The following HEATR4 variants were observed in gnomAD, a reference collection of about 807,000 sequenced individuals.
HEATR4 encodes HEAT repeat containing 4.
In HEATR4, 95 loss-of-function variants were observed where a neutral mutation model predicts 108.8. That is an observed-to-expected ratio of 0.87 (90% confidence interval 0.74 to 1.04). The LOEUF (loss-of-function observed/expected upper bound fraction) is 1.04. Among genes scored for constraint, HEATR4 ranks in the 50% least tolerant of loss-of-function variants. The pLI is 0.00. For missense variants in HEATR4, 1,152 were observed against 1,253.8 expected (o/e 0.92, Z 1.23); for synonymous variants, 443 against 459.4 (o/e 0.96, Z 0.46).
the HEATR4 span, chr14:73,575,399 G>T: frequency 7.7e-7 from 1 of 1,293,864 alleles, no homozygotes; most frequent in Non-Finnish European, 1.0e-6. Context: ...CTATTATCTG[G>T]GGAGGGGAGC....
At chr14:73,566,049 A>G in the HEATR4 span, among the ~76,000 whole-genome samples, 1 of 152,156 alleles carries the variant, frequency 6.6e-6, no homozygotes, top group African/African-American at 2.4e-5. Flanking sequence ...ATAGTTAGAT[A>G]CAGAGTGTTG....
chr14:73,511,556 T>C (rs1566833433), intron 7 of HEATR4, among the ~76,000 whole-genome samples: 1 of 98,028 alleles, frequency 1.0e-5, no homozygotes, highest in Non-Finnish European at 2.3e-5. Flanking sequence ...AATAAATAAA[T>C]AAATAAATAA....
At chr14:73,576,417 A>G in the HEATR4 span, among the ~76,000 whole-genome samples, 3 of 152,072 alleles carry the variant, frequency 2.0e-5, no homozygotes, top group Non-Finnish European at 2.9e-5. Flanking sequence ...CTGTTTATAC[A>G]TATGGACTTT....
intron 5 of HEATR4, 139 bp downstream of exon 5, chr14:73,518,884 G>T: frequency 1.4e-6 from 1 of 733,392 alleles, no homozygotes; most frequent in Non-Finnish European, 2.2e-6. Flanking sequence ...TTTTTAGTAC[G>T]TAGAAAGGGG....
chr14:73,561,216 A>C (rs1333126010), upstream of HEATR4, among the ~76,000 whole-genome samples: 1 of 151,910 alleles, frequency 6.6e-6, no homozygotes, highest in Non-Finnish European at 1.5e-5. Context: ...AAATACAAAA[A>C]TTAGCCAGGC....
At chr14:73,594,935 C>T in the HEATR4 span, 3 of 1,287,518 alleles carry the variant, frequency 2.3e-6, no homozygotes, top group Non-Finnish European at 3.2e-6. Flanking sequence ...AAACTCCTGA[C>T]CTCAAGTGAT....
chr14:73,483,521 C>A (rs1015171631), intron 17 of HEATR4, among the ~76,000 whole-genome samples: 2 of 152,076 alleles, frequency 1.3e-5, no homozygotes, highest in African/African-American at 4.8e-5. Context: ...TGCCCCAACC[C>A]TCAATTTAAA....
At chr14:73,481,640 G>A (rs894265720) in intron 17 of HEATR4, among the ~76,000 whole-genome samples, 1 of 151,752 alleles carries the variant, frequency 6.6e-6, no homozygotes, top group African/African-American at 2.4e-5. Flanking sequence ...AGGAGATCGA[G>A]ACCATCCTGG....
At chr14:73,502,113 C>T (rs990851677) in intron 11 of HEATR4, among the ~76,000 whole-genome samples, 47 of 148,978 alleles carry the variant, frequency 3.2e-4, no homozygotes, top group Admixed American at 4.7e-4. Context: ...AGGCTGGTCT[C>T]GAACTCCTGG....
At chr14:73,594,434 G>T in the HEATR4 span, among the ~76,000 whole-genome samples, 1 of 66,670 alleles carries the variant, frequency 1.5e-5, no homozygotes, top group Non-Finnish European at 2.8e-5. Context: ...GATGGGATCT[G>T]TGGCTCAGCG....
At position 73,517,817 on chromosome 14, in the gene HEATR4, G is replaced by A. The variant is rs181720561; in HGVS notation, c.1210+1206C>T. Among the ~76,000 whole-genome samples the A allele has an allele frequency of 6.4e-3, 969 of 151,922 alleles. 8 individuals carry two copies. The highest frequency in any genetic ancestry group is 0.023 in the African/African-American group (937 of 41,416). ...GAGAAAAGAAAAAGAGGCTGGACAC[G>A]GTGGCTCACGCCTGTAATCCCAGCA... On this transcript the variant is annotated intron_variant, in intron 5 of 17. Transcript: ENST00000553558.
chr14:73,616,966 C>A, the HEATR4 span: 1 of 627,114 alleles, frequency 1.6e-6, no homozygotes, highest in East Asian at 2.6e-5. Context: ...ACTAAAGCTC[C>A]CTGTGATTTG....
chr14:73,585,766 C>T, the HEATR4 span, among the ~76,000 whole-genome samples: 56 of 136,302 alleles, frequency 4.1e-4, no homozygotes, highest in African/African-American at 1.3e-3. Flanking sequence ...GTGGAGGATA[C>T]ACTGGGAAGG....
intron 5 of HEATR4, among the ~76,000 whole-genome samples, chr14:73,515,671 C>CAAAAAA (rs35601077): frequency 9.0e-5 from 3 of 33,486 alleles, no homozygotes; most frequent in Non-Finnish European, 1.6e-4. Flanking sequence ...GACTCCATCT[C>CAAAAAA]AAAAAAAAAA....
the HEATR4 span, among the ~76,000 whole-genome samples, chr14:73,599,986 G>C: frequency 2.8e-4 from 43 of 152,244 alleles, 1 homozygote; most frequent in African/African-American, 9.4e-4. Context: ...TCAGATCCAG[G>C]TATAGATGAG....
intron 2 of HEATR4, chr14:73,527,338 CAG>C (rs1888397949): frequency 1.3e-5 from 2 of 151,892 alleles, no homozygotes; most frequent in African/African-American, 4.8e-5. Context: ...CCAGGAGTGA[CAG>C]AGATATGTGA....
chr14:73,575,578 G>A, the HEATR4 span: 3 of 1,552,186 alleles, frequency 1.9e-6, no homozygotes, highest in South Asian at 2.4e-5. Context: ...CACATTTAGT[G>A]TGTGTATGTG....
chr14:73,569,774 CG>C, the HEATR4 span: 1 of 1,606,574 alleles, frequency 6.2e-7, no homozygotes, highest in African/African-American at 1.3e-5. Flanking sequence ...ACCCCGACCC[CG>C]GGCGGCTGCT....
intron 1 of HEATR4, among the ~76,000 whole-genome samples, chr14:73,549,671 C>T (rs1464194234): frequency 3.5e-5 from 3 of 85,740 alleles, no homozygotes; most frequent in African/African-American, 1.1e-4. Flanking sequence ...AGCATCTGGG[C>T]CACTTGGGGA....
Sources: allele counts gnomAD v4.1 joint callset (sites outside exome capture counted in the v4.1 genomes callset), GRCh38; gene constraint gnomAD v4.1.1; transcripts MANE v1.5; gene names NCBI Gene and HGNC (gene_info 2026-07-23, HGNC 2026-07-21).